The following RELN variants were observed in gnomAD, a reference collection of about 807,000 sequenced individuals.
RELN encodes reelin.
A neutral mutation model predicts 427.6 loss-of-function variants in RELN; 108 were observed. That is an observed-to-expected ratio of 0.25 (90% CI 0.22 to 0.30). RELN has a LOEUF of 0.30. Among genes scored for constraint, RELN ranks in the 10% least tolerant of loss-of-function variants. The pLI, the probability that RELN is intolerant of heterozygous loss-of-function variation, is 1.00. For synonymous variants in RELN, 1,524 were observed against 1,513.4 expected, an observed-to-expected ratio of 1.01 and a Z score of -0.16; for missense variants, 3,715 against 4,302.8, an observed-to-expected ratio of 0.86 and a Z score of 3.82.
chr7:103,783,164 C>CTTTTTTTTTTTTTT (rs34257358), intron 3 of RELN, among the ~76,000 whole-genome samples: 1 of 109,328 alleles, frequency 9.1e-6, no homozygotes, highest in Non-Finnish European at 2.1e-5. Context: ...CTCTTTCTTT[C>CTTTTTTTTTTTTTT]TTTTTTTTTT....
chr7:103,777,232 AT>A (rs974009684), intron 3 of RELN, among the ~76,000 whole-genome samples: 1 of 152,230 alleles, frequency 6.6e-6, no homozygotes, highest in African/African-American at 2.4e-5. Flanking sequence ...TGGAAAAAAA[AT>A]AACATCCTTG....
intron 34 of RELN, among the ~76,000 whole-genome samples, 182 bp from the exon 35 acceptor site, chr7:103,562,135 C>T (rs1429710140): frequency 6.6e-6 from 1 of 152,156 alleles, no homozygotes; most frequent in African/African-American, 2.4e-5. Context: ...TCTCTTGACT[C>T]ATAAACAGGA....
intron 16 of RELN, among the ~76,000 whole-genome samples, chr7:103,648,829 T>C (rs971403006): frequency 2.6e-5 from 4 of 151,888 alleles, no homozygotes; most frequent in Non-Finnish European, 5.9e-5. Flanking sequence ...CCAACAGGTA[T>C]ATAAAATGCT....
chr7:103,553,695 G>A lies in RELN; in HGVS notation c.5934C>T (p.Ile1978=), dbSNP rs141509094. The A allele has an allele frequency of 2.4e-5, 38 of 1,613,950 alleles. No individual in the cohort carries two copies. The highest frequency in any genetic ancestry group is 2.9e-5 in the Non-Finnish European group (34 of 1,179,998). Reference sequence around the variant, plus strand: ...TTGAAGAATATGGACAATAAAGACCGATGTTACCACCAGGATAGAAAAACC... The same window carrying A: ...TTGAAGAATATGGACAATAAAGACCAATGTTACCACCAGGATAGAAAAACC... ...DNWFFYPGGN[I]GLYCPYSSKG... The change falls in exon 39 of 65, where the codon ATC becomes ATT. Residue 1978 remains isoleucine, a synonymous_variant. Transcript: ENST00000428762.
intron 1 of RELN, among the ~76,000 whole-genome samples, chr7:103,956,833 G>A (rs1796443203): frequency 6.6e-6 from 1 of 152,160 alleles, no homozygotes; most frequent in Non-Finnish European, 1.5e-5. Context: ...AAAGAGAACT[G>A]TCCTGGCAAC....
intron 2 of RELN, among the ~76,000 whole-genome samples, chr7:103,867,001 T>C (rs1794216195): frequency 6.6e-6 from 1 of 152,112 alleles, no homozygotes; most frequent in African/African-American, 2.4e-5. Flanking sequence ...CCAGGAGATA[T>C]GTAAAATGTA....
At chr7:103,676,070 A>G (rs1402316572) in intron 11 of RELN, among the ~76,000 whole-genome samples, 6 of 152,302 alleles carry the variant, frequency 3.9e-5, no homozygotes, top group East Asian at 3.9e-4. Context: ...TTTCTGCACA[A>G]CAAAAGAAAC....
intron 2 of RELN, among the ~76,000 whole-genome samples, chr7:103,842,005 ATTTT>A (rs371798244): frequency 6.6e-6 from 1 of 152,080 alleles, no homozygotes; most frequent in South Asian, 2.1e-4. Context: ...TAAAATTATG[ATTTT>A]TTTATGTGAA....
chr7:103,487,261 AG>A (rs916952702), intron 60 of RELN, among the ~76,000 whole-genome samples: 10 of 152,054 alleles, frequency 6.6e-5, no homozygotes, highest in African/African-American at 4.8e-5. Flanking sequence ...CTGTTGGGGC[AG>A]GGGGCAAGGG....
chr7:103,808,205 C>T (rs1030346767), intron 3 of RELN, among the ~76,000 whole-genome samples: 3 of 151,030 alleles, frequency 2.0e-5, no homozygotes, highest in Admixed American at 6.6e-5. Flanking sequence ...CCATCAAAAA[C>T]CTTTCTATGG....
chr7:103,726,708 C>A (rs1790220045), intron 7 of RELN, among the ~76,000 whole-genome samples: 1 of 152,042 alleles, frequency 6.6e-6, no homozygotes, highest in Non-Finnish European at 1.5e-5. Context: ...CTAAATGAGA[C>A]ACCTTCTAAA....
intron 50 of RELN, 52 bp downstream of exon 50, chr7:103,515,133 C>A: frequency 6.2e-7 from 1 of 1,613,068 alleles, no homozygotes; most frequent in Non-Finnish European, 8.5e-7. Context: ...GACCCAAATC[C>A]AAACCACTGC....
chr7:103,698,744 G>A (rs978386299), intron 9 of RELN, among the ~76,000 whole-genome samples: 1 of 151,836 alleles, frequency 6.6e-6, no homozygotes, highest in African/African-American at 2.4e-5. Flanking sequence ...CAAACTCCTG[G>A]GCTCAAGTGA....
chr7:103,746,349 A>T lies in RELN; in HGVS notation c.656+3077T>A, dbSNP rs551552781. On this transcript the variant is annotated intron_variant, in intron 6 of 64. Coordinates refer to ENST00000428762, the MANE Select transcript of RELN (RefSeq NM_005045.4). ...ACCTAGGCAATACCATTCAGGACAT[A>T]GGTATGGGCAAGGACTTCATGTCTA... Among the ~76,000 whole-genome samples, 39 of 152,332 alleles carry T rather than the reference A, an allele frequency of 2.6e-4. No homozygotes were observed. The South Asian group carries it at 5.2e-3, about 20-fold the overall frequency.
At chr7:103,560,084 T>C (rs921402714) in intron 36 of RELN, among the ~76,000 whole-genome samples, 7 of 152,228 alleles carry the variant, frequency 4.6e-5, no homozygotes, top group Non-Finnish European at 7.3e-5. Flanking sequence ...TAGCATTTTA[T>C]ATTGATATTT....
At chr7:103,948,941 G>A (rs1796274137) in intron 1 of RELN, among the ~76,000 whole-genome samples, 1 of 148,832 alleles carries the variant, frequency 6.7e-6, no homozygotes, top group Non-Finnish European at 1.5e-5. Context: ...ATTGAGCCTG[G>A]GCAGACAATA....
intron 1 of RELN, among the ~76,000 whole-genome samples, chr7:103,949,478 C>T (rs1195996132): frequency 2.6e-5 from 4 of 152,164 alleles, no homozygotes; most frequent in South Asian, 2.1e-4. Context: ...CTCACGAACG[C>T]GATTAGTGCT....
chr7:103,491,111 C>T (rs2117003346), intron 58 of RELN, among the ~76,000 whole-genome samples: 1 of 152,222 alleles, frequency 6.6e-6, no homozygotes, highest in South Asian at 2.1e-4. Flanking sequence ...TAGAAATATA[C>T]CTGGAGTTGA....
intron 3 of RELN, among the ~76,000 whole-genome samples, chr7:103,790,024 G>A (rs1275509652): frequency 6.6e-6 from 1 of 152,208 alleles, no homozygotes; most frequent in Non-Finnish European, 1.5e-5. Context: ...ATGAGTTCAT[G>A]TCCTTTGCAG....
Sources: allele counts gnomAD v4.1 joint callset (sites outside exome capture counted in the v4.1 genomes callset), GRCh38; gene constraint gnomAD v4.1.1; transcripts MANE v1.5; gene names NCBI Gene and HGNC (gene_info 2026-07-23, HGNC 2026-07-21).